RGS6: variants seen among roughly 807,000 people sequenced by gnomAD.
RGS6 encodes regulator of G-protein signaling 6.
In RGS6, 30 loss-of-function variants were observed where a neutral mutation model predicts 78.5. The observed-to-expected ratio is 0.38, with a 90% CI of 0.29 to 0.52. The LOEUF (loss-of-function observed/expected upper bound fraction) is 0.52, where lower values mean the gene tolerates loss of function less well. Among genes scored for constraint, RGS6 ranks in the 20% least tolerant of loss-of-function variants. The pLI is 0.85. For missense variants in RGS6, 495 were observed against 609.7 expected (o/e 0.81, Z 1.98); for synonymous variants, 206 against 206.0 (o/e 1.00, Z 0.00).
intron 2 of RGS6, among the ~76,000 whole-genome samples, chr14:72,003,618 A>G (rs2083924506): frequency 6.6e-6 from 1 of 152,078 alleles, no homozygotes; most frequent in Admixed American, 6.5e-5. Context: ...GCAGTTCCAT[A>G]CAGTAGGTGA....
intron 2 of RGS6, among the ~76,000 whole-genome samples, chr14:72,343,085 G>T (rs950039465): frequency 3.3e-5 from 5 of 152,354 alleles, no homozygotes; most frequent in Non-Finnish European, 5.9e-5. Context: ...ATCACTGTGT[G>T]TATTCGTTTT....
chr14:72,410,827 T>A (rs1006234633), intron 3 of RGS6, among the ~76,000 whole-genome samples: 2 of 152,234 alleles, frequency 1.3e-5, no homozygotes, highest in African/African-American at 4.8e-5. Context: ...AAATAGGGAA[T>A]CCTTTCCCCA....
At chr14:72,602,517 C>T in the RGS6 span, among the ~76,000 whole-genome samples, 1 of 152,220 alleles carries the variant, frequency 6.6e-6, no homozygotes, top group African/African-American at 2.4e-5. Flanking sequence ...CCAGCCTTCT[C>T]TCAAGGGTTC....
intron 3 of RGS6, among the ~76,000 whole-genome samples, chr14:72,409,512 T>C (rs1434376969): frequency 6.6e-6 from 1 of 151,570 alleles, no homozygotes; most frequent in Non-Finnish European, 1.5e-5. Context: ...TAAAATTTTT[T>C]TAACATCACT....
intron 2 of RGS6, among the ~76,000 whole-genome samples, chr14:72,068,393 C>A (rs984303769): frequency 3.3e-5 from 5 of 152,046 alleles, no homozygotes; most frequent in African/African-American, 1.2e-4. Context: ...CCTCAGCCCC[C>A]CAAAGTGCTG....
At chr14:71,894,428 A>T in the RGS6 span, among the ~76,000 whole-genome samples, 35 of 152,346 alleles carry the variant, frequency 2.3e-4, no homozygotes, top group African/African-American at 7.9e-4. Context: ...GTAGCAGAGC[A>T]CATGTCCCCA....
At chr14:72,119,115 G>A (rs909829691) in intron 2 of RGS6, among the ~76,000 whole-genome samples, 11 of 152,120 alleles carry the variant, frequency 7.2e-5, no homozygotes, top group African/African-American at 2.7e-4. Context: ...AGATTGAATT[G>A]GGGGAGGTGG....
At chr14:71,929,236 G>A (rs2087765468), upstream of RGS6, among the ~76,000 whole-genome samples, 1 of 152,144 alleles carries the variant, frequency 6.6e-6, no homozygotes, top group African/African-American at 2.4e-5. Flanking sequence ...TCATTTATAG[G>A]TTTTGGATCC....
At chr14:72,391,484 C>T (rs141002336) in intron 3 of RGS6, among the ~76,000 whole-genome samples, 3 of 152,178 alleles carry the variant, frequency 2.0e-5, no homozygotes, top group African/African-American at 4.8e-5. Context: ...GTGACAGATC[C>T]GGATAGATCA....
At chr14:72,549,925 C>T (rs576698527) in intron 17 of RGS6, among the ~76,000 whole-genome samples, 4 of 152,128 alleles carry the variant, frequency 2.6e-5, no homozygotes, top group Admixed American at 2.0e-4. Flanking sequence ...ACCCTGGCTT[C>T]CCTCCTCTAG....
the RGS6 span, among the ~76,000 whole-genome samples, chr14:71,912,031 A>G: frequency 6.6e-6 from 1 of 152,222 alleles, no homozygotes; most frequent in Non-Finnish European, 1.5e-5. Context: ...TCAAAAGATG[A>G]AATGGAAGAC....
chr14:72,417,716 C>G (rs766303017), intron 3 of RGS6, among the ~76,000 whole-genome samples: 1 of 152,234 alleles, frequency 6.6e-6, no homozygotes, highest in Non-Finnish European at 1.5e-5. Context: ...AATAGCAGTA[C>G]ATACCTCACG....
At chr14:72,119,487 A>C (rs919269291) in intron 2 of RGS6, among the ~76,000 whole-genome samples, 2 of 152,218 alleles carry the variant, frequency 1.3e-5, no homozygotes, top group African/African-American at 4.8e-5. Context: ...GGTAAGTTTG[A>C]GAATGAATTT....
chr14:72,053,435 G>A (rs1041831577), intron 2 of RGS6, among the ~76,000 whole-genome samples: 9 of 151,936 alleles, frequency 5.9e-5, no homozygotes, highest in Non-Finnish European at 1.2e-4. Context: ...TGTTTTCTTT[G>A]AAGTGTTGTT....
chr14:71,954,842 C>T (rs2092665510), intron 1 of RGS6, among the ~76,000 whole-genome samples: 1 of 152,182 alleles, frequency 6.6e-6, no homozygotes, highest in Non-Finnish European at 1.5e-5. Context: ...TAACATTTTT[C>T]ATCATAGTTA....
chr14:71,904,868 A>G, the RGS6 span, among the ~76,000 whole-genome samples: 2 of 152,054 alleles, frequency 1.3e-5, no homozygotes, highest in East Asian at 1.9e-4. Context: ...GGCTTTTAAC[A>G]ACGATAGTGC....
At chr14:72,075,900 C>T (rs765350633) in intron 2 of RGS6, among the ~76,000 whole-genome samples, 9 of 152,174 alleles carry the variant, frequency 5.9e-5, no homozygotes, top group East Asian at 5.8e-4. Context: ...GACCAAAGTC[C>T]GTGGGAAGAG....
At chr14:71,891,164 T>C in the RGS6 span, among the ~76,000 whole-genome samples, 1 of 152,236 alleles carries the variant, frequency 6.6e-6, no homozygotes, top group Non-Finnish European at 1.5e-5. Flanking sequence ...TGTAAAATTC[T>C]CACCCAGATC....
intron 3 of RGS6, among the ~76,000 whole-genome samples, chr14:72,362,427 T>C (rs1196504031): frequency 6.6e-6 from 1 of 152,240 alleles, no homozygotes; most frequent in Non-Finnish European, 1.5e-5. Flanking sequence ...TATGATTCCA[T>C]GAACCGGCAA....
Sources: allele counts gnomAD v4.1 joint callset (sites outside exome capture counted in the v4.1 genomes callset), GRCh38; gene constraint gnomAD v4.1.1; transcripts MANE v1.5; gene names NCBI Gene and HGNC (gene_info 2026-07-23, HGNC 2026-07-21).